COL15A1: variants seen among roughly 807,000 people sequenced by gnomAD.
COL15A1 encodes collagen type XV alpha 1 chain.
In COL15A1, 111 loss-of-function variants were observed where a neutral mutation model predicts 165.9. That is an observed-to-expected ratio of 0.67 (90% CI 0.57 to 0.78). The LOEUF is 0.78. Among genes scored for constraint, COL15A1 ranks in the 30% least tolerant of loss-of-function variants. The pLI, the probability that COL15A1 is intolerant of heterozygous loss-of-function variation, is 0.00. For missense variants in COL15A1, 1,745 were observed against 1,789.7 expected, an observed-to-expected ratio of 0.98 and a Z score of 0.45; for synonymous variants, 659 against 674.8, an observed-to-expected ratio of 0.98 and a Z score of 0.36.
At chr9:99,044,941 G>A (rs1839471072) in intron 26 of COL15A1, among the ~76,000 whole-genome samples, 171 bp downstream of exon 26, 1 of 152,224 alleles carries the variant, frequency 6.6e-6, no homozygotes, top group East Asian at 1.9e-4. Context: ...AAACTTTTCA[G>A]TGATTTAACA....
chr9:99,025,847 T>G, intron 15 of COL15A1, 57 bp from the exon 16 acceptor site: 3 of 1,557,500 alleles, frequency 1.9e-6, no homozygotes, highest in Non-Finnish European at 2.6e-6. Flanking sequence ...CTAGCAAGCG[T>G]GTGTATGTGA....
At chr9:99,039,708 C>T (rs76371685) in intron 22 of COL15A1, among the ~76,000 whole-genome samples, 2,128 of 152,252 alleles carry the variant, frequency 0.014, 17 homozygotes, top group African/African-American at 0.027. Flanking sequence ...AGGTTGCAGC[C>T]CCATCTTCTC....
chr9:99,065,162 T>C (rs184743102), intron 39 of COL15A1, among the ~76,000 whole-genome samples: 2 of 152,316 alleles, frequency 1.3e-5, no homozygotes, highest in Admixed American at 6.5e-5. Flanking sequence ...GAAACAACCG[T>C]AATTTCAGAC....
chr9:98,998,042 T>G (rs1161728585), intron 6 of COL15A1, among the ~76,000 whole-genome samples: 3 of 152,248 alleles, frequency 2.0e-5, no homozygotes, highest in Non-Finnish European at 4.4e-5. Context: ...CGTGGTATAT[T>G]CCACCAAAAA....
intron 2 of COL15A1, among the ~76,000 whole-genome samples, chr9:98,969,015 T>C (rs530805396): frequency 9.8e-5 from 15 of 152,338 alleles, no homozygotes; most frequent in African/African-American, 3.4e-4. Context: ...TGGAGCCCTT[T>C]GTCCATGTTA....
At chr9:99,039,630 C>T (rs1338748329) in intron 22 of COL15A1, among the ~76,000 whole-genome samples, 1 of 152,174 alleles carries the variant, frequency 6.6e-6, no homozygotes, top group Non-Finnish European at 1.5e-5. Flanking sequence ...AATAAATACT[C>T]ATTGCATCTC....
At chr9:99,043,565 T>G (rs189887432) in intron 24 of COL15A1, among the ~76,000 whole-genome samples, 144 of 152,274 alleles carry the variant, frequency 9.5e-4, no homozygotes, top group Middle Eastern at 3.4e-3. Context: ...GCTTTTGTGC[T>G]TGCTTCTTCT....
intron 5 of COL15A1, among the ~76,000 whole-genome samples, chr9:98,995,154 G>T (rs1838522342): frequency 6.6e-6 from 1 of 152,134 alleles, no homozygotes; most frequent in African/African-American, 2.4e-5. Context: ...CTTCTGCCTT[G>T]ATCCCTCACA....
At chr9:98,987,184 T>C (rs1838329801) in intron 3 of COL15A1, 110 bp from the exon 4 acceptor site, 1 of 1,047,992 alleles carries the variant, frequency 9.5e-7, no homozygotes, top group African/African-American at 1.6e-5. Flanking sequence ...TACATCCTCA[T>C]TCCCACGCTT....
rs368284198 is a variant in COL15A1 at position 98,985,766 on chromosome 9, G to C, written c.302G>C (p.Ser101Thr). ...FAISVVVKPS[S>T]TRGGVLFAIT... Reference sequence around the variant, plus strand: ...ATCAGCGTCGTGGTGAAGCCCAGCAGCACCCGTGGTGGCGTGCTCTTCGCC... The same window carrying C: ...ATCAGCGTCGTGGTGAAGCCCAGCACCACCCGTGGTGGCGTGCTCTTCGCC... Residue 101 changes from serine to threonine, a missense_variant, in exon 3 of 42, where the codon AGC (serine) becomes ACC (threonine). Ser to Thr is a moderately conservative substitution (Grantham distance 58). Transcript: ENST00000375001. 173 of 1,613,948 alleles carry C rather than the reference G, an allele frequency of 1.1e-4. No individual in the cohort carries two copies. Among genetic ancestry groups the C allele is most frequent in the Non-Finnish European group, 1.3e-4 (157 of 1,180,038 alleles).
At position 99,066,231 on chromosome 9, in the gene COL15A1, G is replaced by A. The variant is rs561941841; in HGVS notation, c.3652-651G>A. Among the ~76,000 whole-genome samples, 95 of 152,216 alleles carry A rather than the reference G, an allele frequency of 6.2e-4. 1 individual carries two copies. The highest frequency in any genetic ancestry group is 6.8e-3 in the Middle Eastern group (2 of 294). ...AGGAGGCTGGGTTTTGGGAGAGAAA[G>A]TGTGGAAGAAATAGACTACGGATTG... is the stretch of plus-strand genomic sequence containing the variant. On this transcript the variant is annotated intron_variant, in intron 39 of 41. Coordinates refer to ENST00000375001, the MANE Select transcript of COL15A1 (RefSeq NM_001855.5).
At chr9:98,975,223 G>A (rs1318678403) in intron 2 of COL15A1, among the ~76,000 whole-genome samples, 1 of 152,256 alleles carries the variant, frequency 6.6e-6, no homozygotes, top group Non-Finnish European at 1.5e-5. Context: ...ATGCTAACTA[G>A]CGCTAGCGCT....
chr9:99,015,272 G>A (rs1296776416), intron 9 of COL15A1, 145 bp from the exon 10 acceptor site: 3 of 647,332 alleles, frequency 4.6e-6, no homozygotes, highest in African/African-American at 3.6e-5. Context: ...CCAGGCGAAG[G>A]TGTGGTCCTG....
chr9:98,993,959 G>T (rs1045866158), intron 5 of COL15A1, among the ~76,000 whole-genome samples: 6 of 152,172 alleles, frequency 3.9e-5, no homozygotes, highest in African/African-American at 1.2e-4. Flanking sequence ...GGACTACAAA[G>T]TCTGCCCCTC....
intron 4 of COL15A1, among the ~76,000 whole-genome samples, chr9:98,987,592 A>G (rs1177884808): frequency 6.6e-6 from 1 of 152,216 alleles, no homozygotes; most frequent in African/African-American, 2.4e-5. Flanking sequence ...AGGATCTTCC[A>G]TGGCTGTGGC....
chr9:99,050,334 C>T (rs1839567062), intron 30 of COL15A1, among the ~76,000 whole-genome samples: 1 of 152,148 alleles, frequency 6.6e-6, no homozygotes, highest in African/African-American at 2.4e-5. Flanking sequence ...CACTGACAGG[C>T]AGGGCTGATC....
chr9:99,020,445 T>C lies in COL15A1; in HGVS notation c.1701+3T>C, dbSNP rs778721478. 6.8e-6 allele frequency: 11 copies of C among 1,607,674 alleles called. No homozygotes were observed. Among genetic ancestry groups the C allele is most frequent in the East Asian group, 4.5e-5 (2 of 44,874 alleles). On this transcript the variant is annotated splice_donor_region_variant and intron_variant, in intron 12 of 41. Transcript: ENST00000375001. ...AGGCTGGGCCCAAAGGAGAAAAGGT[T>C]TGTGCTGTGACCATCCTGGGGAACA... is the stretch of plus-strand genomic sequence containing the variant.
In COL15A1 at chr9:99,003,477, C is replaced by G; in HGVS notation, c.1090C>G (p.Leu364Val). ...GAATTTAGCAGCAACAGCAGCGGGGCTGGCCGAGGTGCCCATCAGCACTGC... is the reference window on the plus strand; with the variant it reads ...GAATTTAGCAGCAACAGCAGCGGGGGTGGCCGAGGTGCCCATCAGCACTGC... ...EKNLAATAAG[L>V]AEVPISTAGE... Residue 364 changes from leucine (L) to valine (V), a missense_variant, in exon 8 of 42, where the codon CTG becomes GTG. Leu to Val is a conservative substitution (Grantham distance 32). Transcript: ENST00000375001. 1 of 1,531,840 alleles carries G rather than the reference C, an allele frequency of 6.5e-7. No homozygotes were observed. Among genetic ancestry groups the G allele is most frequent in the Non-Finnish European group, 8.8e-7 (1 of 1,138,620 alleles). The allele number at this position is 1,531,840 out of a possible 1,614,324, so 94.9% of individuals were successfully genotyped here.
intron 2 of COL15A1, among the ~76,000 whole-genome samples, chr9:98,957,941 C>T (rs1837802767): frequency 6.6e-6 from 1 of 152,218 alleles, no homozygotes; most frequent in Non-Finnish European, 1.5e-5. Flanking sequence ...ACCATCACAC[C>T]TGGCTGGGGT....
Sources: gnomAD v4.1 joint callset for allele counts (sites outside exome capture counted in the v4.1 genomes callset) on GRCh38, gnomAD v4.1.1 for gene constraint, MANE v1.5 for transcripts, NCBI Gene and HGNC (gene_info 2026-07-23, HGNC 2026-07-21) for gene names.